Variants in CTNNA2 observed in about 807,000 individuals in gnomAD.
The protein encoded by CTNNA2 is catenin alpha-2.
Under a neutral mutation model 101.0 loss-of-function variants are expected in CTNNA2, and 42 were observed. The observed-to-expected ratio is 0.42, with a 90% CI of 0.32 to 0.54. The LOEUF (loss-of-function observed/expected upper bound fraction) is 0.54. Among genes scored for constraint, CTNNA2 ranks in the 20% least tolerant of loss-of-function variants. The pLI is 0.14. For missense variants in CTNNA2, 871 were observed against 1,223.1 expected (o/e 0.71, Z 4.29); for synonymous variants, 450 against 456.4 (o/e 0.99, Z 0.18).
chr2:79,936,934 G>A (rs994077244), intron 7 of CTNNA2, among the ~76,000 whole-genome samples: 1 of 152,038 alleles, frequency 6.6e-6, no homozygotes, highest in African/African-American at 2.4e-5. Flanking sequence ...AGTAAGCCGC[G>A]AAAGAGCCAC....
At chr2:80,250,649 A>C (rs1185779388) in intron 7 of CTNNA2, among the ~76,000 whole-genome samples, 1 of 152,128 alleles carries the variant, frequency 6.6e-6, no homozygotes, top group Non-Finnish European at 1.5e-5. Context: ...AGAGGTTAGT[A>C]AGTGTCATTC....
chr2:79,746,170 CT>C (rs1459281513), intron 3 of CTNNA2, among the ~76,000 whole-genome samples: 1 of 152,096 alleles, frequency 6.6e-6, no homozygotes, highest in Non-Finnish European at 1.5e-5. Context: ...TGTCGAAGAA[CT>C]TTTTATATGC....
intron 9 of CTNNA2, among the ~76,000 whole-genome samples, chr2:80,491,677 G>T (rs1262364822): frequency 2.0e-5 from 3 of 152,264 alleles, no homozygotes; most frequent in Non-Finnish European, 2.9e-5. Context: ...CATTCAATTT[G>T]CCTGGGAGAG....
intron 12 of CTNNA2, among the ~76,000 whole-genome samples, chr2:80,561,068 T>G (rs55825656): frequency 3.0e-4 from 45 of 152,310 alleles, no homozygotes; most frequent in African/African-American, 1.1e-3. Flanking sequence ...TCAGTTGGAC[T>G]GATTTCTGTT....
intron 2 of CTNNA2, among the ~76,000 whole-genome samples, chr2:79,311,651 AGT>A (rs1676377340): frequency 6.6e-6 from 1 of 152,044 alleles, no homozygotes; most frequent in South Asian, 2.1e-4. Flanking sequence ...TGAGGTGCTC[AGT>A]GATCTCATAC....
At chr2:80,222,939 A>G (rs1192132441) in intron 7 of CTNNA2, among the ~76,000 whole-genome samples, 1 of 152,212 alleles carries the variant, frequency 6.6e-6, no homozygotes, top group African/African-American at 2.4e-5. Context: ...GATTTCATCT[A>G]AAATGACTGT....
intron 6 of CTNNA2, among the ~76,000 whole-genome samples, chr2:79,897,769 A>G (rs1016835675): frequency 3.3e-5 from 5 of 152,186 alleles, no homozygotes; most frequent in African/African-American, 9.7e-5. Context: ...CCTCACAGTT[A>G]TAGCACTGGG....
At chr2:80,269,931 C>T (rs1668554486) in intron 7 of CTNNA2, among the ~76,000 whole-genome samples, 1 of 152,122 alleles carries the variant, frequency 6.6e-6, no homozygotes, top group Non-Finnish European at 1.5e-5. Context: ...AGAAAAGCTG[C>T]CAGCAACCTA....
In CTNNA2 at chr2:79,850,257, C is replaced by T. The variant is rs554499207; in HGVS notation, c.299-7756C>T. ...TCTCTCTCCCTCTGTTTCTCTCTCC[C>T]TCCCTTTCTCCTTCCCTCCTTTTCT... On this transcript the variant is annotated intron_variant, in intron 3 of 18. Transcript: ENST00000402739. Among the ~76,000 whole-genome samples, 7 of 145,544 alleles carry T rather than the reference C, an allele frequency of 4.8e-5. No individual in the cohort carries two copies. The South Asian group carries it at 1.6e-3, about 34-fold the overall frequency.
intron 11 of CTNNA2, among the ~76,000 whole-genome samples, chr2:80,550,755 C>G (rs1195135862): frequency 2.0e-5 from 3 of 152,160 alleles, no homozygotes; most frequent in Non-Finnish European, 4.4e-5. Context: ...GCTATTTCCA[C>G]TAGATAAGCA....
At chr2:80,219,047 A>G (rs1708427508) in intron 7 of CTNNA2, among the ~76,000 whole-genome samples, 1 of 152,184 alleles carries the variant, frequency 6.6e-6, no homozygotes, top group Non-Finnish European at 1.5e-5. Flanking sequence ...CGTGGCAATT[A>G]TTAGTGGAAA....
At chr2:79,478,679 T>C (rs1671077634) in intron 4 of CTNNA2, among the ~76,000 whole-genome samples, 1 of 152,214 alleles carries the variant, frequency 6.6e-6, no homozygotes, top group South Asian at 2.1e-4. Flanking sequence ...CTTTGGCCAT[T>C]AATTCATACC....
At position 79,713,367 on chromosome 2, in the gene CTNNA2, G is replaced by A. The variant is rs114559755; in HGVS notation, c.103-31020G>A. ...AGGCTGAGGTGGGAAGGTCGCTTGAGGCCAGGAGTTTGAGGTTGCAGTGAG... is the reference window on the plus strand; with the variant it reads ...AGGCTGAGGTGGGAAGGTCGCTTGAAGCCAGGAGTTTGAGGTTGCAGTGAG... On this transcript the variant is annotated intron_variant, in intron 2 of 18. Coordinates refer to ENST00000402739, the MANE Select transcript of CTNNA2 (RefSeq NM_001282597.3). Among the ~76,000 whole-genome samples, 924 of 152,278 alleles carry A rather than the reference G, an allele frequency of 6.1e-3. 5 individuals carry two copies. Among genetic ancestry groups the A allele is most frequent in the African/African-American group, 0.021 (862 of 41,548 alleles).
intron 2 of CTNNA2, among the ~76,000 whole-genome samples, chr2:79,216,129 A>G (rs2104210861): frequency 6.6e-6 from 1 of 152,308 alleles, no homozygotes; most frequent in South Asian, 2.1e-4. Flanking sequence ...GGAAAAAATG[A>G]AAGTGCCATT....
At chr2:80,312,913 T>C (rs1677732534) in intron 7 of CTNNA2, among the ~76,000 whole-genome samples, 2 of 152,200 alleles carry the variant, frequency 1.3e-5, no homozygotes, top group South Asian at 4.1e-4. Context: ...ATAGCACTAG[T>C]AAATATGTTT....
Position 80,127,578 on chromosome 2 carries a change from T to C in CTNNA2, c.1056+217781T>C, listed in dbSNP as rs114724291. Among the ~76,000 whole-genome samples, 456 of 152,192 alleles carry C rather than the reference T, an allele frequency of 3.0e-3. 2 individuals are homozygous for C. The highest frequency in any genetic ancestry group is 0.011 in the African/African-American group (437 of 41,520). ...TTATTTGGAAGAGATTCAACCCAGG[T>C]TGTTTAAATATTTGACTCCATACCC... On this transcript the variant is annotated intron_variant, in intron 7 of 18. Coordinates refer to ENST00000402739, the MANE Select transcript of CTNNA2 (RefSeq NM_001282597.3).
chr2:79,206,584 C>A (rs17016551), intron 2 of CTNNA2, among the ~76,000 whole-genome samples: 2 of 152,120 alleles, frequency 1.3e-5, no homozygotes, highest in African/African-American at 4.8e-5. Context: ...ATTTATTCAT[C>A]TTCTTTGTGT....
intron 4 of CTNNA2, among the ~76,000 whole-genome samples, chr2:79,406,323 A>G (rs1305665363): frequency 7.0e-6 from 1 of 143,042 alleles, no homozygotes; most frequent in African/African-American, 2.6e-5. Flanking sequence ...TTCAGAAAGG[A>G]TACATGTAGG....
At chr2:80,119,443 G>A (rs1283311205) in intron 7 of CTNNA2, among the ~76,000 whole-genome samples, 1 of 152,100 alleles carries the variant, frequency 6.6e-6, no homozygotes, top group Non-Finnish European at 1.5e-5. Flanking sequence ...ACTAGATAAT[G>A]GTTGTTGGAT....
Sources: allele counts gnomAD v4.1 joint callset (sites outside exome capture counted in the v4.1 genomes callset), GRCh38; gene constraint gnomAD v4.1.1; transcripts MANE v1.5; gene names NCBI Gene and HGNC (gene_info 2026-07-23, HGNC 2026-07-21).